The following PSMA6 variants were observed in gnomAD, a reference collection of about 807,000 sequenced individuals.
The protein encoded by PSMA6 is proteasome subunit alpha type-6.
For missense variants in PSMA6, 170 were observed against 294.8 expected, an observed-to-expected ratio of 0.58 and a Z score of 3.10; for synonymous variants, 88 against 97.7, an observed-to-expected ratio of 0.90 and a Z score of 0.59.
chr14:35,282,735 G>A (rs753382345), intron 1 of PSMA6, among the ~76,000 whole-genome samples: 3 of 151,924 alleles, frequency 2.0e-5, no homozygotes, highest in Admixed American at 6.5e-5. Flanking sequence ...TGTGCCTGTC[G>A]TCTCAGCTAC....
At chr14:35,296,838 A>C (rs533407914) in intron 1 of PSMA6, among the ~76,000 whole-genome samples, 1 of 152,218 alleles carries the variant, frequency 6.6e-6, no homozygotes, top group African/African-American at 2.4e-5. Flanking sequence ...ATGTGTGTGC[A>C]TGCATACACA....
intron 1 of PSMA6, among the ~76,000 whole-genome samples, chr14:35,293,640 A>G (rs977017850): frequency 2.6e-5 from 4 of 152,274 alleles, no homozygotes; most frequent in African/African-American, 9.6e-5. Context: ...CATAGTGTAT[A>G]TAATGTAGCA....
rs912192823 is a variant in PSMA6, at chr14:35,278,765, G to A, written c.19+47G>A. 1.1e-5 allele frequency: 16 copies of A among 1,522,066 alleles called. No homozygotes were observed. The African/African-American group carries it at 1.2e-4, about 12-fold the overall frequency. 94.3% of individuals were successfully genotyped at this position (1,522,066 alleles called of 1,614,324 possible). On this transcript the variant is annotated intron_variant, in intron 1 of 6. Coordinates refer to the PSMA6 transcript ENST00000540871. ...GTTGCTTGAGATGTACTATATTACT[G>A]ATTCTTTGAAAATAAATCATTCTTA...
chr14:35,314,560 A>T (rs2052004384), intron 6 of PSMA6, 105 bp downstream of exon 6: 1 of 1,322,560 alleles, frequency 7.6e-7, no homozygotes. Context: ...CTGTCATTAT[A>T]GTTTTTGTTT....
chr14:35,295,699 A>C (rs981128644), intron 1 of PSMA6, among the ~76,000 whole-genome samples: 2 of 152,024 alleles, frequency 1.3e-5, no homozygotes, highest in African/African-American at 4.8e-5. Flanking sequence ...TGATCCACCC[A>C]CCTCGGCCTC....
At chr14:35,292,204 C>T (rs576212347), upstream of PSMA6, 509 of 869,146 alleles carry the variant, frequency 5.9e-4, no homozygotes, top group Non-Finnish European at 7.5e-4. Flanking sequence ...GCGCCACGAC[C>T]CAAGTTTCAC....
At chr14:35,291,960 G>GGCTGCA (rs1429073140), upstream of PSMA6, among the ~76,000 whole-genome samples, 1 of 151,974 alleles carries the variant, frequency 6.6e-6, no homozygotes, top group Non-Finnish European at 1.5e-5. Context: ...TAAATTTAAC[G>GGCTGCA]GCTGCAGCTG....
chr14:35,281,245 A>G (rs2051363524), intron 1 of PSMA6, among the ~76,000 whole-genome samples: 2 of 152,156 alleles, frequency 1.3e-5, no homozygotes, highest in Non-Finnish European at 2.9e-5. Context: ...GCCACAAACC[A>G]TTCCACTTTC....
intron 1 of PSMA6, 79 bp from the exon 2 acceptor site, chr14:35,307,915 T>A: frequency 7.3e-7 from 1 of 1,371,632 alleles, no homozygotes; most frequent in Non-Finnish European, 1.0e-6. Context: ...TCTTTCTCAT[T>A]CTTTTTAATG....
At chr14:35,290,936 A>G (rs1013534082), upstream of PSMA6, among the ~76,000 whole-genome samples, 35 of 152,118 alleles carry the variant, frequency 2.3e-4, no homozygotes, top group African/African-American at 8.2e-4. Flanking sequence ...CTAGTTCATT[A>G]TTAATCAAGG....
In PSMA6 at chr14:35,300,583, A is replaced by G. The variant is rs1378466661; in HGVS notation, c.77-7411A>G. On this transcript the variant is annotated intron_variant, in intron 1 of 6. Transcript: ENST00000261479. Reference sequence around the variant, plus strand: ...GAGTGAATTAAGGTAATAAGAGAGAAAGGGTGGAGGGGTCTCTTGAGCTTA... The same window carrying G: ...GAGTGAATTAAGGTAATAAGAGAGAGAGGGTGGAGGGGTCTCTTGAGCTTA... Among the ~76,000 whole-genome samples the G allele has an allele frequency of 2.0e-5, 3 of 152,136 alleles. No homozygotes were observed. The East Asian group carries it at 5.8e-4, about 29-fold the overall frequency.
At position 35,314,267 on chromosome 14, in the gene PSMA6, TC is replaced by T. The variant is rs1277698387; in HGVS notation, c.589-92del. The T allele has an allele frequency of 5.2e-5, 68 of 1,308,760 alleles. 2 individuals are homozygous for T. The South Asian group carries it at 1.4e-3, about 27-fold the overall frequency. The allele number at this position is 1,308,760 out of a possible 1,614,324, so 81.1% of individuals were successfully genotyped here. On this transcript the variant is annotated intron_variant, in intron 5 of 6. Transcript: ENST00000261479. ...GAACTACCTCATTGAAACATGGAGC[TC>T]CTGATTGACTCATGATTTGAATAAG...
chr14:35,292,869 A>G (rs2051512894), intron 1 of PSMA6: 2 of 519,090 alleles, frequency 3.9e-6, no homozygotes, highest in Non-Finnish European at 7.3e-6. Flanking sequence ...TGTCCTGGCC[A>G]GGCACAAGGT....
intron 1 of PSMA6, among the ~76,000 whole-genome samples, chr14:35,296,319 GTGTT>G (rs140678103): frequency 0.13 from 20,166 of 151,638 alleles, 1,480 homozygotes; most frequent in Middle Eastern, 0.22. Flanking sequence ...TGTTTTCTGG[GTGTT>G]TGTTTGTTTG....
At position 35,292,630 on chromosome 14, in the gene PSMA6, C is replaced by A. The variant is rs536633029; in HGVS notation, c.76+78C>A. 2.1e-4 allele frequency: 332 copies of A among 1,567,196 alleles called. 2 individuals are homozygous for A. The African/African-American group carries it at 2.6e-3, about 12-fold the overall frequency. ...GTGCCTGGAGCGAGCAGACGCGGCCCGGGTTTAGTCTGGGGCCGAAGCTGG... is the reference window on the plus strand; with the variant it reads ...GTGCCTGGAGCGAGCAGACGCGGCCAGGGTTTAGTCTGGGGCCGAAGCTGG... On this transcript the variant is annotated intron_variant, in intron 1 of 6. Coordinates refer to ENST00000261479, the MANE Select transcript of PSMA6 (RefSeq NM_002791.3).
At chr14:35,286,282 C>G (rs562225909) in intron 1 of PSMA6, among the ~76,000 whole-genome samples, 2 of 152,348 alleles carry the variant, frequency 1.3e-5, no homozygotes, top group East Asian at 3.9e-4. Context: ...CACCCTTCCC[C>G]ATCTTATTTT....
At chr14:35,310,134 G>A (rs2051913726) in intron 3 of PSMA6, 3 of 407,344 alleles carry the variant, frequency 7.4e-6, no homozygotes, top group South Asian at 3.5e-5. Context: ...AAAAAAAAAT[G>A]AAAAACTAAT....
At chr14:35,311,435 G>A (rs1001217177) in intron 4 of PSMA6, among the ~76,000 whole-genome samples, 1 of 152,186 alleles carries the variant, frequency 6.6e-6, no homozygotes, top group African/African-American at 2.4e-5. Context: ...CTGACATTGT[G>A]TCATTCATTT....
chr14:35,309,929 G>GA (rs2051908144), intron 3 of PSMA6, among the ~76,000 whole-genome samples: 1 of 151,946 alleles, frequency 6.6e-6, no homozygotes, highest in Non-Finnish European at 1.5e-5. Context: ...CCAAGATCAT[G>GA]AGACTGTACT....
Sources: gnomAD v4.1 joint callset for allele counts (sites outside exome capture counted in the v4.1 genomes callset) on GRCh38, gnomAD v4.1.1 for gene constraint, MANE v1.5 for transcripts, NCBI Gene and HGNC (gene_info 2026-07-23, HGNC 2026-07-21) for gene names.